The following ANO4 variants were observed in gnomAD, a reference collection of about 807,000 sequenced individuals.
ANO4 encodes anoctamin 4, also known as anoctamin-4.
ANO4 carries 69 observed loss-of-function variants against 141.9 expected under a neutral mutation model. The ratio of observed to expected loss-of-function variants is 0.49; its 90% CI spans 0.40 to 0.59. ANO4 has a LOEUF of 0.59. Among genes scored for constraint, ANO4 ranks in the 20% least tolerant of loss-of-function variants. The pLI, the probability that ANO4 is intolerant of heterozygous loss-of-function variation, is 0.00. For synonymous variants in ANO4, 350 were observed against 394.3 expected (o/e 0.89, Z 1.33); for missense variants, 894 against 1,162.2 (o/e 0.77, Z 3.36).
At chr12:100,806,571 G>A (rs1434155325) in intron 1 of ANO4, among the ~76,000 whole-genome samples, 8 of 77,342 alleles carry the variant, frequency 1.0e-4, no homozygotes, top group Non-Finnish European at 1.9e-4. Context: ...GTGAGACAGA[G>A]TCTCGCTCTG....
At chr12:100,947,048 T>C (rs1045801950) in intron 5 of ANO4, among the ~76,000 whole-genome samples, 1 of 152,172 alleles carries the variant, frequency 6.6e-6, no homozygotes, top group African/African-American at 2.4e-5. Context: ...TTAAAGTGTC[T>C]TCAAGAAAGA....
intron 1 of ANO4, among the ~76,000 whole-genome samples, chr12:100,861,452 A>G (rs762609089): frequency 3.3e-5 from 5 of 152,220 alleles, no homozygotes; most frequent in African/African-American, 1.2e-4. Context: ...ATATCTAAAC[A>G]TAGAAAAGGT....
chr12:100,733,528 A>G (rs971113568), intron 1 of ANO4, among the ~76,000 whole-genome samples: 1 of 152,168 alleles, frequency 6.6e-6, no homozygotes, highest in African/African-American at 2.4e-5. Context: ...AATAATGATG[A>G]CATGAAACTG....
chr12:101,111,652 C>T lies in ANO4; in HGVS notation c.2392C>T (p.Arg798Cys), dbSNP rs141487719. Reference sequence around the variant, plus strand: ...AGCGATAACATCTGACTTTATCCCTCGCTTGGTGTATGCTTATAAGTATGG... The same window carrying T: ...AGCGATAACATCTGACTTTATCCCTTGCTTGGTGTATGCTTATAAGTATGG... ...VIAITSDFIP[R>C]LVYAYKYGPC... The change falls in exon 24 of 28, where the codon CGC becomes TGC. Residue 798 changes from arginine to cysteine, a missense_variant. Physicochemically the swap from Arg to Cys is radical, Grantham distance 180. Transcript: ENST00000392977. 81 of 1,613,292 alleles carry T rather than the reference C, an allele frequency of 5.0e-5. No individual in the cohort carries two copies. In the East Asian group the frequency reaches 1.6e-3, roughly 32 times the overall value.
At chr12:100,927,955 A>G (rs2041938177) in intron 3 of ANO4, among the ~76,000 whole-genome samples, 1 of 152,084 alleles carries the variant, frequency 6.6e-6, no homozygotes, top group Non-Finnish European at 1.5e-5. Flanking sequence ...GTTATCCTGC[A>G]GTCTGTTTGT....
chr12:100,747,919 A>T (rs779275600), intron 3 of ANO4, among the ~76,000 whole-genome samples: 1 of 152,192 alleles, frequency 6.6e-6, no homozygotes, highest in African/African-American at 2.4e-5. Context: ...AACATTCCTT[A>T]TGGACTTTAC....
intron 25 of ANO4, 101 bp downstream of exon 25, chr12:101,116,899 G>A (rs2050877585): frequency 6.6e-7 from 1 of 1,504,588 alleles, no homozygotes; most frequent in Non-Finnish European, 9.1e-7. Flanking sequence ...GTTTAAAGCA[G>A]TGACTGTCAA....
At chr12:100,778,141 G>C (rs1044135834) in intron 3 of ANO4, among the ~76,000 whole-genome samples, 7 of 152,030 alleles carry the variant, frequency 4.6e-5, no homozygotes, top group African/African-American at 1.4e-4. Flanking sequence ...GGATGGTCTC[G>C]ATCTCCTGAC....
chr12:100,843,350 G>A (rs761629570), intron 1 of ANO4, among the ~76,000 whole-genome samples: 20 of 152,152 alleles, frequency 1.3e-4, no homozygotes, highest in Non-Finnish European at 2.4e-4. Context: ...TATCTGGACT[G>A]TCGACATTCC....
chr12:100,770,846 T>A (rs1157334091), intron 3 of ANO4, among the ~76,000 whole-genome samples: 1 of 151,116 alleles, frequency 6.6e-6, no homozygotes, highest in Non-Finnish European at 1.5e-5. Context: ...TCCCTTCTTA[T>A]AAAGGGGCAG....
chr12:101,040,883 C>G (rs188356747), intron 11 of ANO4, among the ~76,000 whole-genome samples: 1 of 151,874 alleles, frequency 6.6e-6, no homozygotes, highest in Non-Finnish European at 1.5e-5. Context: ...GATAGTTTGC[C>G]GAGAATGATG....
At chr12:100,833,688 T>C (rs1565917787) in intron 1 of ANO4, among the ~76,000 whole-genome samples, 1 of 152,098 alleles carries the variant, frequency 6.6e-6, no homozygotes, top group East Asian at 1.9e-4. Context: ...TTGTGGGTTC[T>C]TGAGGAAGGT....
At chr12:101,061,613 C>A (rs982275607) in intron 14 of ANO4, among the ~76,000 whole-genome samples, 5 of 151,810 alleles carry the variant, frequency 3.3e-5, no homozygotes, top group African/African-American at 9.7e-5. Context: ...CTTGTCTTCA[C>A]ACTTTATTTC....
intron 1 of ANO4, chr12:100,852,580 A>C (rs2037935426): frequency 6.6e-6 from 1 of 152,142 alleles, no homozygotes; most frequent in African/African-American, 2.4e-5. Flanking sequence ...TAGGAAACAA[A>C]CCATTTTCCT....
chr12:101,027,157 A>T (rs2046775082), intron 9 of ANO4, among the ~76,000 whole-genome samples: 1 of 152,198 alleles, frequency 6.6e-6, no homozygotes, highest in South Asian at 2.1e-4. Context: ...TCCCCAGCCA[A>T]GGGAGGCAGT....
chr12:100,753,472 G>T (rs1459511629), intron 3 of ANO4, among the ~76,000 whole-genome samples: 1 of 150,664 alleles, frequency 6.6e-6, no homozygotes, highest in Non-Finnish European at 1.5e-5. Flanking sequence ...ACCCTGGGTA[G>T]ATTGTCCTCC....
At position 100,942,429 on chromosome 12, in the gene ANO4, G is replaced by C; in HGVS notation, c.350G>C (p.Cys117Ser). Residue 117 changes from cysteine (C) to serine (S), a missense_variant, in exon 5 of 28, where the codon TGT becomes TCT. Coordinates refer to ENST00000392977, the MANE Select transcript of ANO4 (RefSeq NM_001286615.2). ...GGACTTTACTTTCGAGATGGAAAGTGTCGAATTGACTACATCCTTGTGTAC... is the reference window on the plus strand; with the variant it reads ...GGACTTTACTTTCGAGATGGAAAGTCTCGAATTGACTACATCCTTGTGTAC... ...SNGLYFRDGK[C>S]RIDYILVYRK... 1 of 1,614,072 alleles carries C rather than the reference G, an allele frequency of 6.2e-7. No homozygotes were observed. The highest frequency in any genetic ancestry group is 8.5e-7 in the Non-Finnish European group (1 of 1,179,976).
chr12:101,124,843 T>C (rs529887988), intron 26 of ANO4, among the ~76,000 whole-genome samples: 1 of 152,370 alleles, frequency 6.6e-6, no homozygotes, highest in Non-Finnish European at 1.5e-5. Context: ...TCTGTTTTTG[T>C]ACTAGTACCA....
intron 3 of ANO4, among the ~76,000 whole-genome samples, chr12:100,773,983 T>C (rs1169541725): frequency 6.6e-6 from 1 of 152,214 alleles, no homozygotes; most frequent in Non-Finnish European, 1.5e-5. Flanking sequence ...TGTTTTCATA[T>C]TGTCTATGGC....
Sources: allele counts gnomAD v4.1 joint callset (sites outside exome capture counted in the v4.1 genomes callset), GRCh38; gene constraint gnomAD v4.1.1; transcripts MANE v1.5; gene names NCBI Gene and HGNC (gene_info 2026-07-23, HGNC 2026-07-21).